The following ADAM9 variants were observed in gnomAD, a reference collection of about 807,000 sequenced individuals.
ADAM9 encodes the protein ADAM metallopeptidase domain 9.
Under a neutral mutation model 108.1 loss-of-function variants are expected in ADAM9, and 54 were observed. That is an observed-to-expected ratio of 0.50 (90% CI 0.40 to 0.63). ADAM9 has a LOEUF of 0.63. Among genes scored for constraint, ADAM9 ranks in the 20% least tolerant of loss-of-function variants. The pLI is 0.00. For synonymous variants in ADAM9, 316 were observed against 336.0 expected (o/e 0.94, Z 0.65); for missense variants, 830 against 997.7 (o/e 0.83, Z 2.26).
chr8:39,089,532 C>G (rs1034358174), intron 18 of ADAM9, among the ~76,000 whole-genome samples: 1 of 152,188 alleles, frequency 6.6e-6, no homozygotes, highest in African/African-American at 2.4e-5. Flanking sequence ...ATTATACCTG[C>G]ACTAATATGA....
At chr8:39,065,095 T>G (rs1838415763) in intron 14 of ADAM9, among the ~76,000 whole-genome samples, 1 of 152,138 alleles carries the variant, frequency 6.6e-6, no homozygotes. Flanking sequence ...ATTTTTTTGG[T>G]GTGATTTCTT....
chr8:39,027,665 G>A (rs1431613443), intron 11 of ADAM9, among the ~76,000 whole-genome samples: 1 of 152,184 alleles, frequency 6.6e-6, no homozygotes, highest in Non-Finnish European at 1.5e-5. Context: ...TCGTTGTAAT[G>A]CCAACGAGGT....
intron 18 of ADAM9, 21 bp from the exon 19 acceptor site, chr8:39,090,026 A>C: frequency 6.2e-7 from 1 of 1,613,144 alleles, no homozygotes; most frequent in African/African-American, 1.3e-5. Context: ...GTGACTGTTG[A>C]TGTAAAATTC....
intron 14 of ADAM9, among the ~76,000 whole-genome samples, chr8:39,060,243 A>T (rs1170988678): frequency 6.6e-6 from 1 of 152,180 alleles, no homozygotes; most frequent in Non-Finnish European, 1.5e-5. Context: ...ACTGCACCTG[A>T]CCTATAGGGA....
intron 21 of ADAM9, among the ~76,000 whole-genome samples, chr8:39,102,180 G>A (rs1016244503): frequency 6.6e-6 from 1 of 152,128 alleles, no homozygotes; most frequent in Non-Finnish European, 1.5e-5. Flanking sequence ...ATGTGCATAC[G>A]ATTTAGAAGC....
intron 16 of ADAM9, among the ~76,000 whole-genome samples, 164 bp downstream of exon 16, chr8:39,077,575 T>C (rs1431095182): frequency 6.6e-6 from 1 of 152,260 alleles, no homozygotes; most frequent in Admixed American, 6.5e-5. Flanking sequence ...ACTATAATTC[T>C]GTTATCCACA....
chr8:39,091,000 C>T (rs1839336301), intron 19 of ADAM9, among the ~76,000 whole-genome samples: 1 of 152,128 alleles, frequency 6.6e-6, no homozygotes, highest in African/African-American at 2.4e-5. Context: ...GGAACATTGG[C>T]CTAATTGACC....
At chr8:39,028,037 A>G (rs1276498998) in intron 11 of ADAM9, among the ~76,000 whole-genome samples, 1 of 152,182 alleles carries the variant, frequency 6.6e-6, no homozygotes, top group African/African-American at 2.4e-5. Context: ...GCAGTGAGCT[A>G]TGATTGTGCC....
In ADAM9 at chr8:39,025,836, A is replaced by G. The variant is rs1456104782; in HGVS notation, c.948A>G (p.Ala316=). ...GTTTTGGTGGAACTGCAGGAATGGC[A>G]TTTGTGGGAACAGTGTGTTCAAGGA... The part of the protein sequence containing the change: ...KKGFGGTAGM[A]FVGTVCSRSH... Residue 316 remains alanine (A), a synonymous_variant, in exon 10 of 22, where the codon GCA becomes GCG. Coordinates refer to ENST00000487273, the MANE Select transcript of ADAM9 (RefSeq NM_003816.3). 2 of 1,614,160 alleles carry G rather than the reference A, an allele frequency of 1.2e-6. No individual in the cohort carries two copies. Among genetic ancestry groups the G allele is most frequent in the Non-Finnish European group, 8.5e-7 (1 of 1,180,034 alleles).
At chr8:39,060,684 T>C (rs1838271353) in intron 14 of ADAM9, among the ~76,000 whole-genome samples, 1 of 152,248 alleles carries the variant, frequency 6.6e-6, no homozygotes, top group African/African-American at 2.4e-5. Context: ...GTGACAAGAA[T>C]AGTTGCTGTT....
rs777397250 is a variant in ADAM9, at chr8:39,101,919, G to A, written c.2355G>A (p.Gln785=). The stretch of plus-strand genomic sequence containing the variant: ...CCTATGCAGCCAAGCAACCTCAGCA[G>A]TTCCCATCAAGGTCAGAAGAAAATT... ...VPTYAAKQPQ[Q]FPSRPPPPQP... Residue 785 remains glutamine, a synonymous_variant, in exon 21 of 22, where the codon CAG becomes CAA. Transcript: ENST00000487273. The A allele has an allele frequency of 2.0e-5, 32 of 1,613,464 alleles. No homozygotes were observed. The Middle Eastern group carries it at 6.6e-4, about 33-fold the overall frequency.
chr8:39,054,764 GT>G (rs1838065801), intron 13 of ADAM9, among the ~76,000 whole-genome samples, 191 bp downstream of exon 13: 1 of 151,924 alleles, frequency 6.6e-6, no homozygotes, highest in Non-Finnish European at 1.5e-5. Flanking sequence ...TGTTGATATT[GT>G]TTTCTAAGTA....
rs553025077 is a variant in ADAM9, at chr8:39,075,150, G to A, written c.1698-2078G>A. ...TCAAATTCCTGACCTCAAATGATCC[G>A]CTTACCTTAGCCTCCCAAAGTGCTG... is the stretch of plus-strand genomic sequence containing the variant. On this transcript the variant is annotated intron_variant, in intron 15 of 21. Transcript: ENST00000487273. 7.2e-5 allele frequency among the ~76,000 whole-genome samples: 11 copies of A among 152,010 alleles called. No homozygotes were observed. In the South Asian group the frequency reaches 8.3e-4, roughly 12 times the overall value.
intron 14 of ADAM9, among the ~76,000 whole-genome samples, chr8:39,060,362 G>C (rs1838260438): frequency 6.6e-6 from 1 of 152,180 alleles, no homozygotes; most frequent in Admixed American, 6.5e-5. Flanking sequence ...CTGACAGCCT[G>C]GACCTATTGC....
intron 4 of ADAM9, chr8:39,014,839 T>C (rs1237281849): frequency 6.1e-6 from 2 of 330,282 alleles, no homozygotes; most frequent in Non-Finnish European, 1.1e-5. Flanking sequence ...GATTAATTAT[T>C]AGTACTTACA....
At chr8:38,998,575 G>C (rs545535178) in intron 1 of ADAM9, among the ~76,000 whole-genome samples, 2 of 152,168 alleles carry the variant, frequency 1.3e-5, no homozygotes, top group Non-Finnish European at 2.9e-5. Flanking sequence ...ACCGTTTATG[G>C]AACTCCTATA....
intron 14 of ADAM9, among the ~76,000 whole-genome samples, chr8:39,066,982 T>C (rs1463003898): frequency 6.6e-6 from 1 of 152,214 alleles, no homozygotes; most frequent in African/African-American, 2.4e-5. Context: ...CTAGCCAGTT[T>C]TCCCAGCACT....
chr8:39,076,520 TAGAGAA>T (rs1838854655), intron 15 of ADAM9, among the ~76,000 whole-genome samples: 2 of 152,146 alleles, frequency 1.3e-5, no homozygotes, highest in South Asian at 4.1e-4. Context: ...AGTGATATCA[TAGAGAA>T]GATTCAGATA....
chr8:39,038,519 G>A (rs898322815), intron 11 of ADAM9, among the ~76,000 whole-genome samples: 2 of 151,892 alleles, frequency 1.3e-5, no homozygotes, highest in African/African-American at 2.4e-5. Context: ...CCCACACCCC[G>A]TCGCCTTTTT....
Sources: allele counts gnomAD v4.1 joint callset (sites outside exome capture counted in the v4.1 genomes callset), GRCh38; gene constraint gnomAD v4.1.1; transcripts MANE v1.5; gene names NCBI Gene and HGNC (gene_info 2026-07-23, HGNC 2026-07-21).